The following SCAF4 variants were observed in gnomAD, a reference collection of about 807,000 sequenced individuals.
SCAF4 encodes SR-related and CTD-associated factor 4.
In SCAF4, 25 loss-of-function variants were observed where a neutral mutation model predicts 129.8. The observed-to-expected ratio is 0.19, with a 90% CI of 0.14 to 0.27. SCAF4 has a LOEUF of 0.27. Ranked by LOEUF, SCAF4 falls within the 10% of genes least tolerant of loss-of-function variation. The pLI, the probability that SCAF4 is intolerant of heterozygous loss-of-function variation, is 1.00. For missense variants in SCAF4, 1,246 were observed against 1,457.1 expected, an observed-to-expected ratio of 0.86 and a Z score of 2.36; for synonymous variants, 551 against 497.7, an observed-to-expected ratio of 1.11 and a Z score of -1.43.
chr21:31,724,977 C>T (rs534805601), intron 1 of SCAF4, among the ~76,000 whole-genome samples: 74 of 152,272 alleles, frequency 4.9e-4, no homozygotes, highest in Middle Eastern at 6.8e-3. Context: ...ATCACTTTAT[C>T]GCAATCACTA....
chr21:31,674,098 C>T (rs2049787128), intron 19 of SCAF4, among the ~76,000 whole-genome samples: 1 of 152,104 alleles, frequency 6.6e-6, no homozygotes, highest in African/African-American at 2.4e-5. Flanking sequence ...TCCTGATGCC[C>T]CATTGACTTG....
chr21:31,700,741 CTTT>C (rs79606547), intron 7 of SCAF4: 378 of 289,670 alleles, frequency 1.3e-3, no homozygotes, highest in Non-Finnish European at 1.6e-3. Context: ...CTAACTTTTT[CTTT>C]TTTTTTTTTT....
rs1469582492 is a variant in SCAF4, at chr21:31,685,065, C to T, written c.2472G>A (p.Gln824=). ...ATAACTTACCAAGAAGTGAAACAGG[C>T]TGGGTTACAGGAGGGGTGGGCAGAT... ...PTNLPTPPVT[Q]PVSLLGTQGV... is the part of the protein sequence containing the mutation. The change falls in exon 19 of 20, where the codon CAG becomes CAA. Residue 824 remains glutamine (Q), a synonymous_variant. Coordinates refer to ENST00000286835, the MANE Select transcript of SCAF4 (RefSeq NM_020706.2). 5.0e-6 allele frequency: 8 copies of T among 1,608,468 alleles called. No individual in the cohort carries two copies. Among genetic ancestry groups the T allele is most frequent in the Middle Eastern group, 1.9e-4 (1 of 5,132 alleles).
chr21:31,709,689 C>T (rs963324344), intron 1 of SCAF4, among the ~76,000 whole-genome samples: 2 of 152,110 alleles, frequency 1.3e-5, no homozygotes, highest in African/African-American at 4.8e-5. Context: ...TCTGAGACAG[C>T]TGCAGAGTAT....
rs1382545356 is a variant in SCAF4 at position 31,703,882 on chromosome 21, T to A, written c.204A>T (p.Ser68=). 1 of 1,596,692 alleles carries A rather than the reference T, an allele frequency of 6.3e-7. No homozygotes were observed. The highest frequency in any genetic ancestry group is 1.7e-5 in the Admixed American group (1 of 59,938). ...YKVPGLYVID[S]IVRQSRHQFG... is the part of the protein sequence containing the mutation. ...ACTGATGACGAGACTGTCGCACAAT[T>A]GAGTCAATTACATATAATCCCGGAA... The change falls in exon 4 of 20, where the codon TCA becomes TCT. Residue 68 remains serine, a synonymous_variant. Coordinates refer to ENST00000286835, the MANE Select transcript of SCAF4 (RefSeq NM_020706.2).
At position 31,701,154 on chromosome 21, in the gene SCAF4, C is replaced by G. The variant is rs752631773; in HGVS notation, c.618G>C (p.Gln206His). The change falls in exon 7 of 20, where the codon CAG becomes CAC. Residue 206 changes from glutamine (Q) to histidine (H), a missense_variant. Coordinates refer to ENST00000286835, the MANE Select transcript of SCAF4 (RefSeq NM_020706.2). ...GTGGTTTTGGAGGCTGTTGAAAAGT[C>G]TGAAGGATCTGCTGAAGCTTAAAGA... ...TQGQQLQQIL[Q>H]TFQQPPKPQS... 1.9e-6 allele frequency: 3 copies of G among 1,586,552 alleles called. No homozygotes were observed.
At chr21:31,681,627 T>C (rs2049996543) in intron 19 of SCAF4, among the ~76,000 whole-genome samples, 1 of 152,234 alleles carries the variant, frequency 6.6e-6, no homozygotes, top group African/African-American at 2.4e-5. Context: ...ACTGTAGCTA[T>C]TTGGGTGTGT....
intron 1 of SCAF4, among the ~76,000 whole-genome samples, chr21:31,723,634 GCGCGCGCGCGCGCACATAC>G (rs2051131502): frequency 8.3e-6 from 1 of 120,480 alleles, no homozygotes. Context: ...GTGTGTGCGC[GCGCGCGCGCGCGCACATAC>G]AGTTCAAGTT....
chr21:31,711,473 A>G (rs539499894), intron 1 of SCAF4, among the ~76,000 whole-genome samples: 4 of 152,204 alleles, frequency 2.6e-5, no homozygotes, highest in African/African-American at 4.8e-5. Context: ...GACACTGTCC[A>G]TTTGGACAGA....
intron 7 of SCAF4, 196 bp downstream of exon 7, chr21:31,700,799 T>C: frequency 2.0e-6 from 1 of 506,296 alleles, no homozygotes; most frequent in Non-Finnish European, 3.5e-6. Flanking sequence ...CTTCAAACCC[T>C]GGAAATTTTT....
chr21:31,727,353 CAGGCGT>C (rs776588233), intron 1 of SCAF4, among the ~76,000 whole-genome samples: 71 of 152,044 alleles, frequency 4.7e-4, no homozygotes, highest in Non-Finnish European at 8.5e-4. Flanking sequence ...ACTGGAATTA[CAGGCGT>C]AAGCCACCGT....
At chr21:31,720,284 T>C (rs2123673247) in intron 1 of SCAF4, among the ~76,000 whole-genome samples, 1 of 152,364 alleles carries the variant, frequency 6.6e-6, no homozygotes, top group East Asian at 1.9e-4. Flanking sequence ...TGAGTTAAAA[T>C]TTTTAATGGA....
In SCAF4 at chr21:31,696,607, T is replaced by TGCA. The variant is rs747892998; in HGVS notation, c.918_920dup (p.Ala307dup). The TGCA allele has an allele frequency of 4.4e-6, 7 of 1,606,176 alleles. No individual in the cohort carries two copies. The highest frequency in any genetic ancestry group is 1.3e-5 in the African/African-American group (1 of 74,210). On this transcript the variant is annotated inframe_insertion, in exon 8 of 20. Transcript: ENST00000286835. ...GAGGAGGAGGAGAGGCAGCAGCGGG[T>TGCA]GCAGCAGCAGCAGGCACGGTGGCGG...
chr21:31,706,558 A>G, intron 1 of SCAF4: 1 of 550,900 alleles, frequency 1.8e-6, no homozygotes, highest in South Asian at 2.4e-5. Context: ...GTGATACCCA[A>G]GAAGAAGGTT....
chr21:31,693,116 G>A (rs933891791), intron 12 of SCAF4, among the ~76,000 whole-genome samples, 178 bp downstream of exon 12: 2 of 152,136 alleles, frequency 1.3e-5, no homozygotes, highest in African/African-American at 2.4e-5. Context: ...TTTAAGGTAC[G>A]AAAGCAAATC....
At chr21:31,683,360 T>C (rs536828074) in intron 19 of SCAF4, among the ~76,000 whole-genome samples, 32 of 152,338 alleles carry the variant, frequency 2.1e-4, no homozygotes, top group African/African-American at 6.7e-4. Context: ...CTGTGTTTGG[T>C]TGCACATGTT....
chr21:31,671,990 T>TGGCTGCTGC lies in SCAF4; in HGVS notation c.2844_2852dup (p.Gln950_Gln952dup). 6.2e-7 allele frequency: 1 copy of TGGCTGCTGC among 1,612,004 alleles called. No homozygotes were observed. Among genetic ancestry groups the TGGCTGCTGC allele is most frequent in the Admixed American group, 1.7e-5 (1 of 59,902 alleles). On this transcript the variant is annotated inframe_insertion, in exon 20 of 20. Transcript: ENST00000286835. ...GTGGTTGCTGGGGCGCCTGCGGCTG[T>TGGCTGCTGC]GGCTGCTGCTGTGGCTGCTGCGGCG...
rs61592268 is a variant in SCAF4 at position 31,688,114 on chromosome 21, C to CAAAAAAAAA, written c.2043+184_2043+192dup. Among the ~76,000 whole-genome samples the CAAAAAAAAA allele has an allele frequency of 2.8e-3, 31 of 10,906 alleles. 1 individual carries two copies. Among genetic ancestry groups the CAAAAAAAAA allele is most frequent in the African/African-American group, 6.0e-3 (19 of 3,178 alleles). The allele number at this position is 10,906 out of a possible 152,430, so 7.2% of individuals were successfully genotyped here. A position where few individuals can be genotyped will look rare whatever the true frequency, so the allele number is the denominator to read the frequency against. ...TGGGCAACAAAGAGAGACTCTGTCTCAAAAAAAAAAAAAAAAAAAAAAAAA... is the reference window on the plus strand; with the variant it reads ...TGGGCAACAAAGAGAGACTCTGTCTCAAAAAAAAAAAAAAAAAAAAAAAAAAAAAAAAAA... On this transcript the variant is annotated intron_variant, in intron 16 of 19. Transcript: ENST00000286835.
At chr21:31,717,870 CATAT>C (rs1165369054) in intron 1 of SCAF4, among the ~76,000 whole-genome samples, 4,375 of 123,838 alleles carry the variant, frequency 0.035, 170 homozygotes, top group African/African-American at 0.096. Context: ...CACACACACA[CATAT>C]ACACATATAT....
Sources: gnomAD v4.1 joint callset for allele counts (sites outside exome capture counted in the v4.1 genomes callset) on GRCh38, gnomAD v4.1.1 for gene constraint, MANE v1.5 for transcripts, NCBI Gene and HGNC (gene_info 2026-07-23, HGNC 2026-07-21) for gene names.